Variants in TMPRSS6 observed in about 807,000 individuals in gnomAD.
TMPRSS6 encodes the protein transmembrane protease serine 6.
A neutral mutation model predicts 101.5 loss-of-function variants in TMPRSS6; 67 were observed. The ratio of observed to expected loss-of-function variants is 0.66; its 90% confidence interval spans 0.54 to 0.81. TMPRSS6 has a LOEUF of 0.81. TMPRSS6 is among the 30% of genes least tolerant of loss of function. The pLI, the probability that TMPRSS6 is intolerant of heterozygous loss-of-function variation, is 0.00. For synonymous variants in TMPRSS6, 453 were observed against 464.9 expected, an observed-to-expected ratio of 0.97 and a Z score of 0.33; for missense variants, 1,034 against 1,088.7, an observed-to-expected ratio of 0.95 and a Z score of 0.71.
rs1219900852 is a variant in TMPRSS6 at position 37,072,936 on chromosome 22, CAGAT to C, written c.1555+592_1555+595del. 3.1e-5 allele frequency among the ~76,000 whole-genome samples: 4 copies of C among 130,094 alleles called. No homozygotes were observed. The East Asian group carries it at 9.9e-4, about 32-fold the overall frequency. 85.3% of individuals were successfully genotyped at this position (130,094 alleles called of 152,430 possible). A position where few individuals can be genotyped will look rare whatever the true frequency, so the allele number is the denominator to read the frequency against. ...GGATGATGTATGGATGGATGATGGA[CAGAT>C]GGATGATCGATGGGTGGATGACGGA... On this transcript the variant is annotated intron_variant, in intron 13 of 17. Transcript: ENST00000676104.
chr22:37,066,573 G>A (rs113907753), intron 17 of TMPRSS6, among the ~76,000 whole-genome samples: 1,534 of 152,354 alleles, frequency 0.01, 23 homozygotes, highest in African/African-American at 0.033. Context: ...GGTGGGCAAG[G>A]AGCAGAACTG....
At position 37,075,144 on chromosome 22, in the gene TMPRSS6, G is replaced by C. The variant is rs1166760262; in HGVS notation, c.1333C>G (p.Gln445Glu). 1 of 1,613,688 alleles carries C rather than the reference G, an allele frequency of 6.2e-7. No homozygotes were observed. The highest frequency in any genetic ancestry group is 1.6e-4 in the Middle Eastern group (1 of 6,084). ...GGCTGCCCATACTCACGGTCCGACT[G>C]GTTGTACAAGCCATAGTGCACCCGC... Reference protein sequence around the residue: ...GVRVHYGLYNQSDPCPGEFLC... With the variant: ...GVRVHYGLYNESDPCPGEFLC... Residue 445 changes from glutamine to glutamate, a missense_variant, in exon 11 of 18, where the codon CAG becomes GAG. Coordinates refer to ENST00000676104, the MANE Select transcript of TMPRSS6 (RefSeq NM_001374504.1).
Position 37,066,166 on chromosome 22 carries a change from C to T in TMPRSS6, c.2323G>A (p.Gly775Ser). 1 of 1,613,188 alleles carries T rather than the reference C, an allele frequency of 6.2e-7. No homozygotes were observed. The highest frequency in any genetic ancestry group is 8.5e-7 in the Non-Finnish European group (1 of 1,180,008). ...RWFLAGLVSW[G>S]LGCGRPNYFG... ...TAGTTAGGCCGGCCACAGCCCAGGCCCCAGCTGACCAGCCCCGCCAGGAAC... is the reference window on the plus strand; with the variant it reads ...TAGTTAGGCCGGCCACAGCCCAGGCTCCAGCTGACCAGCCCCGCCAGGAAC... The change falls in exon 18 of 18, where the codon GGC becomes AGC. Residue 775 changes from glycine (G) to serine (S), a missense_variant. Transcript: ENST00000676104.
chr22:37,097,399 G>A (rs1420591192), intron 3 of TMPRSS6, among the ~76,000 whole-genome samples: 1 of 152,218 alleles, frequency 6.6e-6, no homozygotes, highest in Non-Finnish European at 1.5e-5. Flanking sequence ...GTAGAGCTGA[G>A]AGCATCTGAG....
In TMPRSS6 at chr22:37,095,890, C is replaced by T. The variant is rs767490936; in HGVS notation, c.589+16G>A. On this transcript the variant is annotated intron_variant, in intron 5 of 17. Transcript: ENST00000676104. ...CCTCATGAGGCCAACCCCACGTTTC[C>T]ACTCGCAGTACTGACCCAGGATCAC... The T allele has an allele frequency of 6.2e-7, 1 of 1,613,912 alleles. No homozygotes were observed.
chr22:37,069,448 A>C lies in TMPRSS6; in HGVS notation c.1842-104T>G. 1 of 1,144,638 alleles carries C rather than the reference A, an allele frequency of 8.7e-7. No homozygotes were observed. The highest frequency in any genetic ancestry group is 1.2e-6 in the Non-Finnish European group (1 of 810,364). The allele number at this position is 1,144,638 out of a possible 1,614,324, so 70.9% of individuals were successfully genotyped here. A position where few individuals can be genotyped will look rare whatever the true frequency, so the allele number is the denominator to read the frequency against. On this transcript the variant is annotated intron_variant, in intron 15 of 17. Coordinates refer to ENST00000676104, the MANE Select transcript of TMPRSS6 (RefSeq NM_001374504.1). The surrounding 1 kb of genome is among the most constrained non-coding windows in gnomAD (Gnocchi z 4.8). ...AGATAGCCAGATCCCCGCCCGGGAC[A>C]GTGCCCTCCACACCCAGCCCTCCCT...
At chr22:37,088,721 T>C (rs1330390965) in intron 7 of TMPRSS6, among the ~76,000 whole-genome samples, 1 of 152,058 alleles carries the variant, frequency 6.6e-6, no homozygotes, top group East Asian at 1.9e-4. Flanking sequence ...TTACCAAATA[T>C]CAAAGTCCAA....
intron 6 of TMPRSS6, among the ~76,000 whole-genome samples, chr22:37,092,091 C>CT (rs11319214): frequency 0.099 from 14,233 of 143,182 alleles, 2,075 homozygotes; most frequent in African/African-American, 0.32. Flanking sequence ...AATAATTACC[C>CT]TTTTTTTTTT....
chr22:37,096,811 C>G, intron 3 of TMPRSS6, 96 bp from the exon 4 acceptor site: 1 of 1,201,322 alleles, frequency 8.3e-7, no homozygotes. Context: ...CTGGCAGCCC[C>G]GCTCCATGCA....
rs1926233047 is a variant in TMPRSS6, at chr22:37,065,944, CAA to C, written c.*134_*135del. ...ACTGGAGCAGACATCAGGGACGAGACAAGATGCCACCTCCTGCCACCACAGGG... is the reference window on the plus strand; with the variant it reads ...ACTGGAGCAGACATCAGGGACGAGACGATGCCACCTCCTGCCACCACAGGG... On this transcript the variant is annotated 3_prime_UTR_variant, in exon 18 of 18. Transcript: ENST00000676104. 4.2e-6 allele frequency: 5 copies of C among 1,176,938 alleles called. No homozygotes were observed. The highest frequency in any genetic ancestry group is 6.1e-6 in the Non-Finnish European group (5 of 818,318). 72.9% of individuals were successfully genotyped at this position (1,176,938 alleles called of 1,614,324 possible).
chr22:37,086,935 A>G (rs1445737127), intron 7 of TMPRSS6, among the ~76,000 whole-genome samples: 1 of 152,194 alleles, frequency 6.6e-6, no homozygotes, highest in Non-Finnish European at 1.5e-5. Flanking sequence ...GGCTCGGAAC[A>G]AATAACCGTA....
At chr22:37,106,737 G>A (rs1425766066) in intron 1 of TMPRSS6, among the ~76,000 whole-genome samples, 1 of 152,064 alleles carries the variant, frequency 6.6e-6, no homozygotes, top group Non-Finnish European at 1.5e-5. Context: ...CGACATCCAA[G>A]ACCCTCCATG....
chr22:37,102,980 C>A (rs1930451371), intron 2 of TMPRSS6, among the ~76,000 whole-genome samples: 1 of 151,958 alleles, frequency 6.6e-6, no homozygotes. Flanking sequence ...AGCTTTGGGG[C>A]ACTTTGCCCA....
At position 37,087,598 on chromosome 22, in the gene TMPRSS6, C is replaced by T. The variant is rs1928890788; in HGVS notation, c.837-1179G>A. 2.6e-5 allele frequency among the ~76,000 whole-genome samples: 4 copies of T among 152,108 alleles called. No individual in the cohort carries two copies. In the South Asian group the frequency reaches 8.3e-4, roughly 32 times the overall value. On this transcript the variant is annotated intron_variant, in intron 7 of 17. Transcript: ENST00000676104. ...TAGCAGGCACCACCCCCCTCACCCC[C>T]CAGGCCCTCGTCCCTTCTTCCTACC...
At chr22:37,085,061 T>C (rs1306690425) in intron 8 of TMPRSS6, among the ~76,000 whole-genome samples, 2 of 152,044 alleles carry the variant, frequency 1.3e-5, no homozygotes, top group African/African-American at 2.4e-5. Context: ...ACATAAACAT[T>C]CAAACAGCCT....
At chr22:37,077,617 C>T (rs1292981305) in intron 10 of TMPRSS6, among the ~76,000 whole-genome samples, 2 of 152,196 alleles carry the variant, frequency 1.3e-5, no homozygotes, top group African/African-American at 2.4e-5. Context: ...GAAGGTCCCG[C>T]CTGTAGTCTG....
Position 37,065,917 on chromosome 22 carries a change from T to C in TMPRSS6, c.*163A>G. 1.1e-6 allele frequency: 1 copy of C among 889,992 alleles called. No individual in the cohort carries two copies. Among genetic ancestry groups the C allele is most frequent in the South Asian group, 1.6e-5 (1 of 61,458 alleles). The allele number at this position is 889,992 out of a possible 1,614,324, so 55.1% of individuals were successfully genotyped here. A position where few individuals can be genotyped will look rare whatever the true frequency, so the allele number is the denominator to read the frequency against. On this transcript the variant is annotated 3_prime_UTR_variant, in exon 18 of 18. Transcript: ENST00000676104. ...CTGGCACTTCTCCATCCTCCTGCCA[T>C]CACTGGAGCAGACATCAGGGACGAG...
chr22:37,071,979 T>C (rs1326278182), intron 13 of TMPRSS6, among the ~76,000 whole-genome samples: 1 of 146,838 alleles, frequency 6.8e-6, no homozygotes, highest in Non-Finnish European at 1.5e-5. Flanking sequence ...GATGGATGGA[T>C]GGATGGATGG....
chr22:37,097,758 A>ACCATC (rs1345267723), intron 3 of TMPRSS6, among the ~76,000 whole-genome samples: 2 of 94,368 alleles, frequency 2.1e-5, no homozygotes, highest in African/African-American at 1.0e-4. Flanking sequence ...AGGAGCGGCC[A>ACCATC]CTGTCCTGTA....
Sources: allele counts gnomAD v4.1 joint callset (sites outside exome capture counted in the v4.1 genomes callset), GRCh38; gene constraint gnomAD v4.1.1; non-coding constraint Gnocchi (gnomAD v3.1); transcripts MANE v1.5; gene names NCBI Gene and HGNC (gene_info 2026-07-23, HGNC 2026-07-21).